FBXL17: variants seen among roughly 807,000 people sequenced by gnomAD.
FBXL17 encodes the protein F-box and leucine rich repeat protein 17.
In FBXL17, 22 loss-of-function variants were observed where a neutral mutation model predicts 66.2. The ratio of observed to expected loss-of-function variants is 0.33; its 90% confidence interval spans 0.24 to 0.47. The LOEUF (loss-of-function observed/expected upper bound fraction) is 0.47, where lower values mean the gene tolerates loss of function less well. FBXL17 is among the 20% of genes least tolerant of loss of function. The probability of loss-of-function intolerance (pLI) is 1.00; values close to 1 mark genes in which losing one functional copy is unlikely to be tolerated. For missense variants in FBXL17, 878 were observed against 948.2 expected (o/e 0.93, Z 0.97); for synonymous variants, 474 against 400.5 (o/e 1.18, Z -2.19).
At chr5:108,111,457 T>G (rs968716374) in intron 6 of FBXL17, among the ~76,000 whole-genome samples, 11 of 152,242 alleles carry the variant, frequency 7.2e-5, no homozygotes, top group Non-Finnish European at 1.3e-4. Context: ...CATCATCATA[T>G]TCTTATTTAT....
chr5:108,228,750 A>G (rs986054667), intron 4 of FBXL17, among the ~76,000 whole-genome samples: 9 of 152,210 alleles, frequency 5.9e-5, no homozygotes, highest in Non-Finnish European at 1.2e-4. Flanking sequence ...TCTCCTGGTT[A>G]TCACAAGAGA....
At chr5:108,280,983 A>G (rs1757680411) in intron 4 of FBXL17, among the ~76,000 whole-genome samples, 1 of 151,932 alleles carries the variant, frequency 6.6e-6, no homozygotes, top group South Asian at 2.1e-4. Flanking sequence ...AATTCTAAAT[A>G]TATATATGCT....
chr5:107,882,011 T>C (rs1032091582), intron 7 of FBXL17, among the ~76,000 whole-genome samples: 1 of 152,180 alleles, frequency 6.6e-6, no homozygotes, highest in Admixed American at 6.5e-5. Flanking sequence ...TGAATGTGGC[T>C]CTTTTCTACC....
intron 5 of FBXL17, among the ~76,000 whole-genome samples, chr5:108,190,682 T>G (rs1753436386): frequency 6.6e-6 from 1 of 152,234 alleles, no homozygotes; most frequent in Admixed American, 6.5e-5. Context: ...CTCTTGTTTT[T>G]GATTGAGCAA....
At chr5:108,377,382 G>A (rs773234465) in intron 1 of FBXL17, among the ~76,000 whole-genome samples, 9 of 152,182 alleles carry the variant, frequency 5.9e-5, no homozygotes, top group Non-Finnish European at 1.0e-4. Context: ...GCAAATACAT[G>A]GTTTTTCCTT....
At chr5:108,078,940 T>A (rs796608707) in intron 6 of FBXL17, among the ~76,000 whole-genome samples, 39 of 152,310 alleles carry the variant, frequency 2.6e-4, no homozygotes, top group African/African-American at 9.4e-4. Flanking sequence ...TGGATCACAC[T>A]CTGTTGCTCA....
chr5:107,894,497 G>C (rs932984641), intron 7 of FBXL17, among the ~76,000 whole-genome samples: 3 of 152,038 alleles, frequency 2.0e-5, no homozygotes, highest in African/African-American at 7.2e-5. Context: ...CCTTTCCATA[G>C]GATGCAGTTT....
chr5:108,123,863 A>G (rs934209057), intron 6 of FBXL17, among the ~76,000 whole-genome samples: 3 of 152,202 alleles, frequency 2.0e-5, no homozygotes, highest in South Asian at 2.1e-4. Flanking sequence ...TATGGAAAAC[A>G]TAAGACACCA....
At chr5:108,271,983 T>C (rs1757289214) in intron 4 of FBXL17, among the ~76,000 whole-genome samples, 1 of 152,172 alleles carries the variant, frequency 6.6e-6, no homozygotes, top group Non-Finnish European at 1.5e-5. Flanking sequence ...ACTGGTACAA[T>C]GTGTGGCACA....
chr5:108,102,073 G>A (rs115260167), intron 6 of FBXL17, among the ~76,000 whole-genome samples: 378 of 152,110 alleles, frequency 2.5e-3, no homozygotes, highest in Non-Finnish European at 4.4e-3. Flanking sequence ...AATTCGTTTC[G>A]GCAGCTTGTA....
chr5:108,029,160 T>G (rs1488273732), intron 6 of FBXL17, among the ~76,000 whole-genome samples: 1 of 151,990 alleles, frequency 6.6e-6, no homozygotes, highest in African/African-American at 2.4e-5. Flanking sequence ...TACATAGAGA[T>G]TATACAAAAC....
chr5:108,231,393 G>T lies in FBXL17; in HGVS notation c.1507-7165C>A, dbSNP rs144890321. Among the ~76,000 whole-genome samples the T allele has an allele frequency of 2.7e-3, 416 of 152,162 alleles. 2 individuals carry two copies. The highest frequency in any genetic ancestry group is 9.8e-3 in the African/African-American group (405 of 41,520). ...TATCTCTATACTTTTACCTTTTCTA[G>T]AAACTTCACATAAATAGAATTGTGT... On this transcript the variant is annotated intron_variant, in intron 4 of 8. Transcript: ENST00000542267.
chr5:108,364,544 C>T (rs890084307), intron 3 of FBXL17, among the ~76,000 whole-genome samples, 194 bp downstream of exon 3: 4 of 151,894 alleles, frequency 2.6e-5, no homozygotes, highest in African/African-American at 9.7e-5. Context: ...CACTATAAAA[C>T]AAAGCAGTTA....
At chr5:108,041,263 A>G (rs1380158776) in intron 6 of FBXL17, among the ~76,000 whole-genome samples, 2 of 152,104 alleles carry the variant, frequency 1.3e-5, no homozygotes, top group African/African-American at 4.8e-5. Flanking sequence ...CCCCCTTCTA[A>G]CAAAGGAGGC....
At chr5:107,998,968 G>T (rs17160839) in intron 7 of FBXL17, among the ~76,000 whole-genome samples, 20,174 of 152,020 alleles carry the variant, frequency 0.13, 3,643 homozygotes, top group African/African-American at 0.4. Flanking sequence ...AATACTGAAG[G>T]CGAATACCAT....
intron 7 of FBXL17, among the ~76,000 whole-genome samples, chr5:108,009,388 A>G (rs1754093860): frequency 6.8e-6 from 1 of 147,886 alleles, no homozygotes; most frequent in South Asian, 2.2e-4. Flanking sequence ...CTGAAGATGA[A>G]CTGAATTTTC....
At chr5:108,004,543 G>A (rs963946865) in intron 7 of FBXL17, among the ~76,000 whole-genome samples, 1 of 152,126 alleles carries the variant, frequency 6.6e-6, no homozygotes, top group Non-Finnish European at 1.5e-5. Flanking sequence ...TTGTCTCACA[G>A]AAAAGTTCCT....
At chr5:107,915,706 G>A (rs1002475755) in intron 7 of FBXL17, among the ~76,000 whole-genome samples, 1 of 152,176 alleles carries the variant, frequency 6.6e-6, no homozygotes, top group Non-Finnish European at 1.5e-5. Context: ...TAAATCAACA[G>A]CTAAACAGGA....
intron 5 of FBXL17, among the ~76,000 whole-genome samples, chr5:108,209,089 C>A (rs1273448253): frequency 9.2e-5 from 14 of 152,118 alleles, no homozygotes. Context: ...AATGTGAGTT[C>A]ACTCATTATT....
Sources: allele counts gnomAD v4.1 joint callset (sites outside exome capture counted in the v4.1 genomes callset), GRCh38; gene constraint gnomAD v4.1.1; transcripts MANE v1.5; gene names NCBI Gene and HGNC (gene_info 2026-07-23, HGNC 2026-07-21).